Variants in TRIOBP observed in about 807,000 individuals in gnomAD.
TRIOBP encodes TRIO and F-actin-binding protein.
In TRIOBP, 169 loss-of-function variants were observed where a neutral mutation model predicts 238.8. The ratio of observed to expected loss-of-function variants is 0.71; its 90% confidence interval spans 0.62 to 0.80. TRIOBP has a LOEUF of 0.80. Ranked by LOEUF, TRIOBP falls within the 30% of genes least tolerant of loss-of-function variation. The pLI, the probability that TRIOBP is intolerant of heterozygous loss-of-function variation, is 0.00. For synonymous variants in TRIOBP, 1,150 were observed against 1,274.4 expected (o/e 0.90, Z 2.08); for missense variants, 2,838 against 3,122.6 (o/e 0.91, Z 2.17).
At chr22:37,747,941 G>C (rs901753840) in intron 11 of TRIOBP, among the ~76,000 whole-genome samples, 6 of 152,166 alleles carry the variant, frequency 3.9e-5, no homozygotes, top group Non-Finnish European at 7.3e-5. Context: ...CAGCGTGTGG[G>C]GTGCTTGGAA....
intron 18 of TRIOBP, 23 bp from the exon 19 acceptor site, chr22:37,768,051 G>C (rs1195472286): frequency 6.3e-7 from 1 of 1,598,170 alleles, no homozygotes; most frequent in African/African-American, 1.3e-5. Context: ...AGTCTCTCTT[G>C]TGCCTCTCTG....
At chr22:37,767,898 C>T (rs894749020) in intron 18 of TRIOBP, among the ~76,000 whole-genome samples, 176 bp from the exon 19 acceptor site, 1 of 152,180 alleles carries the variant, frequency 6.6e-6, no homozygotes, top group Non-Finnish European at 1.5e-5. Context: ...CTACTCTAGA[C>T]TCCTGGTTCG....
intron 6 of TRIOBP, among the ~76,000 whole-genome samples, 177 bp from the exon 7 acceptor site, chr22:37,723,007 GC>G (rs1208902659): frequency 1.3e-5 from 2 of 152,212 alleles, no homozygotes; most frequent in Non-Finnish European, 2.9e-5. Context: ...AGGCATCCAA[GC>G]CCTTGTCTAA....
intron 11 of TRIOBP, among the ~76,000 whole-genome samples, chr22:37,750,122 C>G (rs752016236): frequency 1.3e-5 from 2 of 152,176 alleles, no homozygotes; most frequent in Non-Finnish European, 2.9e-5. Context: ...AGGACCGCCC[C>G]GTCATTTGCC....
chr22:37,712,626 C>T (rs970303980), intron 4 of TRIOBP, among the ~76,000 whole-genome samples: 1 of 151,790 alleles, frequency 6.6e-6, no homozygotes, highest in Admixed American at 6.6e-5. Context: ...TGAGCCACTG[C>T]GCCCGGCCTA....
chr22:37,768,284 C>T (rs543148883), intron 19 of TRIOBP, 108 bp downstream of exon 19: 2 of 892,494 alleles, frequency 2.2e-6, no homozygotes, highest in Admixed American at 4.0e-5. Flanking sequence ...GCTGAGATTC[C>T]TGCTCCAGTC....
chr22:37,765,657 G>C lies in TRIOBP; in HGVS notation c.6325-13G>C, dbSNP rs1168524561. The C allele has an allele frequency of 6.5e-7, 1 of 1,549,260 alleles. No homozygotes were observed. The highest frequency in any genetic ancestry group is 8.7e-7 in the Non-Finnish European group (1 of 1,146,902). ...ACGGGGCAGCCTGTGACACCCTGGC[G>C]TCCGGCCCACAGGAGGCATGTGAGC... On this transcript the variant is annotated splice_polypyrimidine_tract_variant and intron_variant, in intron 17 of 23. Transcript: ENST00000644935.
chr22:37,716,308 C>G (rs994191968), intron 6 of TRIOBP, among the ~76,000 whole-genome samples: 2 of 152,024 alleles, frequency 1.3e-5, no homozygotes, highest in Admixed American at 6.6e-5. Context: ...CATGGGGTTT[C>G]ACCATGTTAG....
chr22:37,770,596 C>T (rs993249853), intron 21 of TRIOBP, among the ~76,000 whole-genome samples: 8 of 152,012 alleles, frequency 5.3e-5, no homozygotes, highest in South Asian at 2.1e-4. Flanking sequence ...AGGCTCTTCT[C>T]GAACTCCCAA....
Position 37,758,257 on chromosome 22 carries a change from T to G in TRIOBP, c.6213+119T>G, listed in dbSNP as rs1175534808. On this transcript the variant is annotated intron_variant, in intron 16 of 23. Transcript: ENST00000644935. ...AGTGATGGGGAGCTCACCCCTGATC[T>G]GCTGTGAGTGTGCACCCCACACTCC... is the stretch of plus-strand genomic sequence containing the variant. 1.2e-5 allele frequency: 15 copies of G among 1,286,930 alleles called. No individual in the cohort carries two copies. In the Admixed American group the frequency reaches 3.0e-4, roughly 26 times the overall value. 79.7% of individuals were successfully genotyped at this position (1,286,930 alleles called of 1,614,324 possible). A position where few individuals can be genotyped will look rare whatever the true frequency, so the allele number is the denominator to read the frequency against.
intron 3 of TRIOBP, among the ~76,000 whole-genome samples, chr22:37,708,295 C>T (rs1923058503): frequency 6.6e-6 from 1 of 151,494 alleles, no homozygotes; most frequent in African/African-American, 2.4e-5. Context: ...TGGCTCATGC[C>T]TGTGATCCCA....
intron 17 of TRIOBP, 123 bp downstream of exon 17, chr22:37,759,387 C>T (rs762218547): frequency 1.6e-6 from 2 of 1,265,620 alleles, no homozygotes; most frequent in Admixed American, 1.7e-5. Context: ...GGGCATTTGA[C>T]ATGCGTCATC....
At chr22:37,741,061 G>A (rs763523994) in intron 11 of TRIOBP, 29 bp downstream of exon 11, 7 of 1,556,470 alleles carry the variant, frequency 4.5e-6, no homozygotes, top group East Asian at 2.4e-5. Context: ...GGACTGGAGG[G>A]GTGAGGGTGG....
chr22:37,713,190 G>C lies in TRIOBP; in HGVS notation c.255-20G>C, dbSNP rs1238608743. ...TGCTCCTAACTCCCCATTACTTTTT[G>C]GGTCTGTCTCCTCTCCCAGGGGCCC... On this transcript the variant is annotated intron_variant, in intron 4 of 23. Transcript: ENST00000644935. The C allele has an allele frequency of 6.2e-7, 1 of 1,605,936 alleles. No individual in the cohort carries two copies. The highest frequency in any genetic ancestry group is 1.3e-5 in the African/African-American group (1 of 74,750).
chr22:37,716,415 GTTA>G (rs201450875), intron 6 of TRIOBP, among the ~76,000 whole-genome samples: 18 of 151,562 alleles, frequency 1.2e-4, no homozygotes, highest in African/African-American at 3.4e-4. Flanking sequence ...CGCCTAGCCT[GTTA>G]TTATTATTAT....
chr22:37,706,129 T>C (rs1278178765), intron 3 of TRIOBP, among the ~76,000 whole-genome samples: 4 of 152,060 alleles, frequency 2.6e-5, no homozygotes, highest in African/African-American at 9.7e-5. Flanking sequence ...GAGAAACCCA[T>C]GGCTGACTCC....
At chr22:37,733,666 C>CTTTTTTTT (rs529942326) in intron 8 of TRIOBP, among the ~76,000 whole-genome samples, 1 of 97,372 alleles carries the variant, frequency 1.0e-5, no homozygotes, top group African/African-American at 3.8e-5. Flanking sequence ...GCACTGCTGT[C>CTTTTTTTT]TTTTTTTTTT....
chr22:37,746,084 C>A, intron 11 of TRIOBP: 2 of 681,596 alleles, frequency 2.9e-6, no homozygotes, highest in Non-Finnish European at 3.6e-6. Context: ...CGCCCTAGCG[C>A]GCCCGTCCCG....
intron 3 of TRIOBP, among the ~76,000 whole-genome samples, chr22:37,709,518 C>T (rs1022780617): frequency 3.3e-5 from 5 of 152,326 alleles, no homozygotes; most frequent in African/African-American, 1.2e-4. Context: ...GGGGCCTGAG[C>T]CGGAGCCCCC....
Sources: gnomAD v4.1 joint callset for allele counts (sites outside exome capture counted in the v4.1 genomes callset) on GRCh38, gnomAD v4.1.1 for gene constraint, MANE v1.5 for transcripts, NCBI Gene and HGNC (gene_info 2026-07-23, HGNC 2026-07-21) for gene names.